The following FANCI variants were observed in gnomAD, a reference collection of about 807,000 sequenced individuals.
FANCI encodes the protein Fanconi anemia group I protein.
FANCI carries 156 observed loss-of-function variants against 176.1 expected under a neutral mutation model. The observed-to-expected ratio is 0.89, with a 90% CI of 0.78 to 1.01. The LOEUF (loss-of-function observed/expected upper bound fraction) is 1.01, where lower values mean the gene tolerates loss of function less well. Ranked by LOEUF, FANCI falls within the 50% of genes least tolerant of loss-of-function variation. The probability of loss-of-function intolerance (pLI) is 0.00; values close to 1 mark genes in which losing one functional copy is unlikely to be tolerated. For synonymous variants in FANCI, 613 were observed against 541.7 expected, an observed-to-expected ratio of 1.13 and a Z score of -1.83; for missense variants, 1,678 against 1,534.1, an observed-to-expected ratio of 1.09 and a Z score of -1.57.
At chr15:89,302,352 C>T (rs907509735) in intron 27 of FANCI, among the ~76,000 whole-genome samples, 15 of 152,014 alleles carry the variant, frequency 9.9e-5, no homozygotes, top group African/African-American at 3.4e-4. Flanking sequence ...CTCTCATCAT[C>T]GTTCTTTCAT....
intron 13 of FANCI, 64 bp downstream of exon 13, chr15:89,276,955 T>C: frequency 6.4e-7 from 1 of 1,566,444 alleles, no homozygotes; most frequent in Non-Finnish European, 8.8e-7. Context: ...GGGCTTGGCA[T>C]TTGCCTGGGA....
chr15:89,258,324 A>G (rs1366930845), intron 2 of FANCI, among the ~76,000 whole-genome samples: 1 of 151,606 alleles, frequency 6.6e-6, no homozygotes, highest in Admixed American at 6.6e-5. Context: ...TTCTTTTACA[A>G]TTTTTTTCTG....
At chr15:89,278,595 C>A (rs2053493244) in intron 13 of FANCI, 92 bp from the exon 14 acceptor site, 2 of 895,584 alleles carry the variant, frequency 2.2e-6, no homozygotes, top group Non-Finnish European at 1.9e-6. Flanking sequence ...TTACTCATAT[C>A]CAAACGGTTC....
At chr15:89,269,992 A>G (rs2053137162) in intron 10 of FANCI, among the ~76,000 whole-genome samples, 1 of 152,046 alleles carries the variant, frequency 6.6e-6, no homozygotes, top group South Asian at 2.1e-4. Flanking sequence ...CGTATTTTTA[A>G]TAGAGGTGGG....
intron 18 of FANCI, among the ~76,000 whole-genome samples, chr15:89,285,771 G>A (rs932909551): frequency 4.0e-5 from 6 of 151,716 alleles, no homozygotes; most frequent in African/African-American, 1.5e-4. Flanking sequence ...TTTACTTCCT[G>A]CCTCTCATAC....
At chr15:89,245,029 A>T (rs2151012356) in intron 1 of FANCI, among the ~76,000 whole-genome samples, 1 of 152,316 alleles carries the variant, frequency 6.6e-6, no homozygotes, top group African/African-American at 2.4e-5. Context: ...CTTATAGTCT[A>T]GTGGGAGATA....
At chr15:89,301,598 G>A (rs777615089) in intron 27 of FANCI, among the ~76,000 whole-genome samples, 156 bp downstream of exon 27, 2 of 152,202 alleles carry the variant, frequency 1.3e-5, no homozygotes, top group Non-Finnish European at 2.9e-5. Context: ...CCTATAAGAT[G>A]TATTCTTTCC....
intron 18 of FANCI, among the ~76,000 whole-genome samples, chr15:89,288,601 T>A (rs1210336408): frequency 6.6e-6 from 1 of 151,104 alleles, no homozygotes. Context: ...ATTTTCTTCC[T>A]CTGAGATGTC....
At chr15:89,269,219 A>G (rs2053102906) in intron 10 of FANCI, among the ~76,000 whole-genome samples, 2 of 152,222 alleles carry the variant, frequency 1.3e-5, no homozygotes, top group African/African-American at 2.4e-5. Context: ...TTTAAAAGTA[A>G]GATGCAGAAA....
intron 4 of FANCI, 119 bp downstream of exon 4, chr15:89,260,962 G>C: frequency 7.6e-7 from 1 of 1,307,426 alleles, no homozygotes; most frequent in Non-Finnish European, 1.1e-6. Context: ...AGTAAGACCT[G>C]TTGTTAAAAA....
At chr15:89,263,171 A>T (rs1309088335) in intron 6 of FANCI, among the ~76,000 whole-genome samples, 3 of 152,190 alleles carry the variant, frequency 2.0e-5, no homozygotes, top group African/African-American at 7.2e-5. Context: ...CATTCCCTAA[A>T]ACGGTATGTG....
Position 89,261,884 on chromosome 15 carries a change from T to G in FANCI, c.503+6T>G, listed in dbSNP as rs1323152449. ...AACACCCTGTGTTCTGGCAGGTGAG[T>G]CTTGTTAATATGTATAACTTTCTTA... On this transcript the variant is annotated splice_donor_region_variant and intron_variant, in intron 6 of 37. Transcript: ENST00000310775. 1.9e-6 allele frequency: 3 copies of G among 1,613,774 alleles called. No individual in the cohort carries two copies. The highest frequency in any genetic ancestry group is 2.2e-5 in the South Asian group (2 of 91,064).
intron 10 of FANCI, among the ~76,000 whole-genome samples, chr15:89,269,998 G>A (rs1202426615): frequency 6.6e-6 from 1 of 152,082 alleles, no homozygotes; most frequent in Admixed American, 6.5e-5. Flanking sequence ...TTTAATAGAG[G>A]TGGGGTTTCG....
chr15:89,296,419 TTTTTG>T (rs572292524), intron 24 of FANCI, among the ~76,000 whole-genome samples: 2 of 133,730 alleles, frequency 1.5e-5, no homozygotes, highest in African/African-American at 2.9e-5. Context: ...TTTTTCGTTT[TTTTTG>T]TTTTGTTTTG....
Position 89,307,644 on chromosome 15 carries a change from T to A in FANCI, c.3623T>A (p.Leu1208Gln), listed in dbSNP as rs1200106338. The A allele has an allele frequency of 6.2e-7, 1 of 1,614,014 alleles. No individual in the cohort carries two copies. The change falls in exon 34 of 38, where the codon CTG becomes CAG. Residue 1208 changes from leucine (L) to glutamine (Q), a missense_variant. Coordinates refer to ENST00000310775, the MANE Select transcript of FANCI (RefSeq NM_001113378.2). Reference protein sequence around the residue: ...VKLSGSHLTPLCYSFISYVQN... With the variant: ...VKLSGSHLTPQCYSFISYVQN... ...CTGTCTGGTTCTCATCTGACCCCCC[T>A]GTGTTATTCTTTCATTTCTTACGTA...
intron 1 of FANCI, chr15:89,245,940 A>C (rs1456131984): frequency 6.6e-6 from 1 of 152,340 alleles, no homozygotes; most frequent in Non-Finnish European, 1.5e-5. Flanking sequence ...GCTTGGGGTA[A>C]TGTGTCAGTA....
At chr15:89,260,936 A>T (rs997654714) in intron 4 of FANCI, 93 bp downstream of exon 4, 1 of 1,473,250 alleles carries the variant, frequency 6.8e-7, no homozygotes, top group African/African-American at 1.4e-5. Context: ...CCAACCTAGC[A>T]TAGTCCTTAT....
intron 18 of FANCI, among the ~76,000 whole-genome samples, chr15:89,288,869 G>A (rs2053938826): frequency 6.6e-6 from 1 of 151,720 alleles, no homozygotes; most frequent in African/African-American, 2.4e-5. Flanking sequence ...CAAATGCCCT[G>A]GCTTCAAGCG....
At position 89,301,333 on chromosome 15, in the gene FANCI, T is replaced by C. The variant is rs1456532511; in HGVS notation, c.2897T>C (p.Leu966Ser). The stretch of plus-strand genomic sequence containing the variant: ...TGTGCCTTCCTTTCTCAGAGGTCCT[T>C]GTTGAATTTACTTAGCAGTCAAGAG... ...AFQIRQFQRS[L>S]LNLLSSQEED... Residue 966 changes from leucine (L) to serine (S), a missense_variant, in exon 27 of 38, where the codon TTG becomes TCG. This residue lies in a region of FANCI where 1,204 missense variants were observed against 1,077.4 expected (regional missense o/e 1.12). Transcript: ENST00000310775. The C allele has an allele frequency of 1.2e-6, 2 of 1,611,718 alleles. No individual in the cohort carries two copies. Among genetic ancestry groups the C allele is most frequent in the African/African-American group, 2.7e-5 (2 of 74,860 alleles).
Sources: gnomAD v4.1 joint callset for allele counts (sites outside exome capture counted in the v4.1 genomes callset) on GRCh38, gnomAD v4.1.1 for gene constraint, gnomAD v4.1.1 regional missense constraint, MANE v1.5 for transcripts, NCBI Gene and HGNC (gene_info 2026-07-23, HGNC 2026-07-21) for gene names.